ZNF610: variants seen among roughly 807,000 people sequenced by gnomAD.
ZNF610 encodes the protein zinc finger protein 610.
A neutral mutation model predicts 14.1 loss-of-function variants in ZNF610; 14 were observed. The observed-to-expected ratio is 0.99, with a 90% CI of 0.65 to 1.55. The LOEUF is 1.55. Ranked by LOEUF, ZNF610 falls within the 40% of genes most tolerant of loss-of-function variation. ZNF610 has a pLI of 0.00. For synonymous variants in ZNF610, 185 were observed against 187.6 expected (o/e 0.99, Z 0.11); for missense variants, 530 against 558.0 (o/e 0.95, Z 0.51).
intron 5 of ZNF610, among the ~76,000 whole-genome samples, chr19:52,358,252 T>G (rs1283644669): frequency 6.6e-6 from 1 of 152,154 alleles, no homozygotes; most frequent in African/African-American, 2.4e-5. Context: ...GGCGCGATCT[T>G]GGCTCACTGC....
chr19:52,360,997 C>T (rs1029469677), intron 5 of ZNF610, among the ~76,000 whole-genome samples: 12 of 152,088 alleles, frequency 7.9e-5, no homozygotes, highest in African/African-American at 1.9e-4. Flanking sequence ...TATTTGATAG[C>T]GTTTTACAGT....
intron 1 of ZNF610, among the ~76,000 whole-genome samples, chr19:52,343,664 A>G (rs1020601728): frequency 5.9e-5 from 9 of 152,162 alleles, no homozygotes; most frequent in Admixed American, 1.3e-4. Flanking sequence ...GTTTCTTGGG[A>G]GAAATGGCAT....
intron 1 of ZNF610, among the ~76,000 whole-genome samples, chr19:52,342,520 CT>C (rs761381882): frequency 0.013 from 1,846 of 138,594 alleles, 13 homozygotes; most frequent in Middle Eastern, 0.038. Flanking sequence ...ATCTGTTTAA[CT>C]TTTTTTTTTT....
chr19:52,354,913 C>T (rs897909250), intron 5 of ZNF610, among the ~76,000 whole-genome samples: 2 of 152,038 alleles, frequency 1.3e-5, no homozygotes, highest in African/African-American at 4.8e-5. Context: ...GGGAAACTCT[C>T]CAAAGGTGGG....
chr19:52,350,915 G>A (rs969596299), intron 3 of ZNF610, among the ~76,000 whole-genome samples: 10 of 151,766 alleles, frequency 6.6e-5, no homozygotes, highest in South Asian at 2.1e-4. Context: ...CAGGAGAATC[G>A]CTTGAACCCG....
chr19:52,348,294 A>G (rs1295451694), intron 2 of ZNF610: 1 of 152,242 alleles, frequency 6.6e-6, no homozygotes, highest in Non-Finnish European at 1.5e-5. Context: ...TTGATTACTT[A>G]TAATGGATTA....
chr19:52,350,789 T>A (rs1333674242), intron 3 of ZNF610, among the ~76,000 whole-genome samples: 1 of 151,972 alleles, frequency 6.6e-6, no homozygotes, highest in African/African-American at 2.4e-5. Flanking sequence ...TCACCTGAGG[T>A]TGGGAGTTTG....
At chr19:52,349,764 C>T (rs946929998) in intron 3 of ZNF610, among the ~76,000 whole-genome samples, 1 of 151,940 alleles carries the variant, frequency 6.6e-6, no homozygotes, top group Middle Eastern at 3.4e-3. Flanking sequence ...AGAGACGGGG[C>T]TTCACCATGT....
At position 52,366,512 on chromosome 19, in the gene ZNF610, A is replaced by G. The variant is rs779598540; in HGVS notation, c.1134A>G (p.Gly378=). Residue 378 remains glycine, a synonymous_variant, in exon 6 of 6, where the codon GGA becomes GGG. Transcript: ENST00000403906. ...AGCCCTACAAATGTAACGAATGTGG[A>G]AGAGCATTTCACAAGCGTCCGGGCC... ...TEKPYKCNEC[G]RAFHKRPGLM... The G allele has an allele frequency of 2.5e-6, 4 of 1,614,042 alleles. No homozygotes were observed. Among genetic ancestry groups the G allele is most frequent in the Non-Finnish European group, 3.4e-6 (4 of 1,180,034 alleles).
Position 52,366,659 on chromosome 19 carries a change from T to G in ZNF610, c.1281T>G (p.Pro427=). 1 of 1,614,216 alleles carries G rather than the reference T, an allele frequency of 6.2e-7. No individual in the cohort carries two copies. Among genetic ancestry groups the G allele is most frequent in the Non-Finnish European group, 8.5e-7 (1 of 1,180,028 alleles). The part of the protein sequence containing the change: ...NHQRIHTGER[P]YKCNACGKVF... ...AGAGAATTCATACTGGAGAGAGACC[T>G]TACAAGTGTAATGCATGTGGCAAGG... The change falls in exon 6 of 6, where the codon CCT becomes CCG. Residue 427 remains proline (P), a synonymous_variant. Coordinates refer to ENST00000403906, the MANE Select transcript of ZNF610 (RefSeq NM_001161425.2).
intron 5 of ZNF610, among the ~76,000 whole-genome samples, chr19:52,363,779 A>G (rs1328908631): frequency 6.6e-6 from 1 of 152,186 alleles, no homozygotes; most frequent in Non-Finnish European, 1.5e-5. Context: ...TCTGTCGTGG[A>G]TAGGATTTAG....
At chr19:52,332,070 G>A (rs556905034), upstream of ZNF610, among the ~76,000 whole-genome samples, 23 of 152,322 alleles carry the variant, frequency 1.5e-4, no homozygotes, top group East Asian at 3.9e-3. This position sits in a 1 kb window ranked among gnomAD's most constrained non-coding sequence, Gnocchi z 4.1. Flanking sequence ...CAAGGACCCC[G>A]GGACGAGTCT....
At chr19:52,351,824 G>A (rs942229048) in intron 3 of ZNF610, among the ~76,000 whole-genome samples, 19 of 152,208 alleles carry the variant, frequency 1.2e-4, no homozygotes, top group African/African-American at 9.6e-5. Context: ...AAGACAGAAC[G>A]TTGTCCCTCA....
chr19:52,334,950 C>CACACACACACACACACACACAT (rs1984303629), upstream of ZNF610, among the ~76,000 whole-genome samples: 1 of 151,158 alleles, frequency 6.6e-6, no homozygotes, highest in African/African-American at 2.4e-5. Flanking sequence ...CACACACACA[C>CACACACACACACACACACACAT]ACACACACAA....
At chr19:52,360,467 GCTTT>G (rs1219139987) in intron 5 of ZNF610, among the ~76,000 whole-genome samples, 3 of 152,132 alleles carry the variant, frequency 2.0e-5, no homozygotes, top group Non-Finnish European at 4.4e-5. Context: ...TGCAACATGG[GCTTT>G]CTTTTTATTT....
At chr19:52,337,416 A>C (rs147091188) in intron 1 of ZNF610, among the ~76,000 whole-genome samples, 8 of 152,240 alleles carry the variant, frequency 5.3e-5, no homozygotes, top group African/African-American at 1.7e-4. Flanking sequence ...GGCAGAATGG[A>C]AATTGGGGAC....
intron 5 of ZNF610, among the ~76,000 whole-genome samples, chr19:52,356,722 T>A (rs1985538461): frequency 6.6e-6 from 1 of 152,180 alleles, no homozygotes; most frequent in Non-Finnish European, 1.5e-5. Flanking sequence ...TATTACAGTG[T>A]ATAATATGGA....
At chr19:52,346,822 A>G (rs1297550201) in intron 1 of ZNF610, among the ~76,000 whole-genome samples, 1 of 151,438 alleles carries the variant, frequency 6.6e-6, no homozygotes, top group Non-Finnish European at 1.5e-5. Context: ...CTCCACCTCC[A>G]GGGTTCAAGC....
chr19:52,330,539 C>T, the ZNF610 span: 1 of 152,166 alleles, frequency 6.6e-6, no homozygotes, highest in African/African-American at 2.4e-5. Context: ...TAATTTGTTT[C>T]CATTCTCAAT....
Sources: gnomAD v4.1 joint callset for allele counts (sites outside exome capture counted in the v4.1 genomes callset) on GRCh38, gnomAD v4.1.1 for gene constraint, Gnocchi (gnomAD v3.1) non-coding constraint, MANE v1.5 for transcripts, NCBI Gene and HGNC (gene_info 2026-07-23, HGNC 2026-07-21) for gene names.